The following GRIA3 variants were observed in gnomAD, a reference collection of about 807,000 sequenced individuals.
The protein encoded by GRIA3 is glutamate receptor 3.
GRIA3 carries 3 observed loss-of-function variants against 63.0 expected under a neutral mutation model. The ratio of observed to expected loss-of-function variants is 0.05; its 90% CI spans 0.02 to 0.12. The LOEUF is 0.12. Ranked by LOEUF, GRIA3 falls within the 10% of genes least tolerant of loss-of-function variation. The probability of loss-of-function intolerance (pLI) is 1.00; values close to 1 mark genes in which losing one functional copy is unlikely to be tolerated. For missense variants in GRIA3, 347 were observed against 700.9 expected, an observed-to-expected ratio of 0.50 and a Z score of 5.70; for synonymous variants, 274 against 257.9, an observed-to-expected ratio of 1.06 and a Z score of -0.60.
intron 3 of GRIA3, among the ~76,000 whole-genome samples, chrX:123,315,585 G>C (rs1386111595): frequency 8.9e-6 from 1 of 112,186 alleles, no homozygotes; most frequent in Non-Finnish European, 1.9e-5. Flanking sequence ...CTGAAGTACT[G>C]GCTCTGAGTT....
At chrX:123,442,534 G>A (rs2045680424) in intron 12 of GRIA3, among the ~76,000 whole-genome samples, 1 of 111,488 alleles carries the variant, frequency 9.0e-6, no homozygotes, top group Non-Finnish European at 1.9e-5. Flanking sequence ...TAGATAGTGA[G>A]GTGTTCATCA....
At chrX:123,383,143 T>C (rs1050068688) in intron 5 of GRIA3, among the ~76,000 whole-genome samples, 1 of 112,169 alleles carries the variant, frequency 8.9e-6, no homozygotes, top group African/African-American at 3.2e-5. Flanking sequence ...AGCTATTCAT[T>C]AAAGATTTTA....
intron 2 of GRIA3, among the ~76,000 whole-genome samples, chrX:123,218,143 C>T (rs943075555): frequency 1.7e-4 from 19 of 112,247 alleles, no homozygotes; most frequent in African/African-American, 4.9e-4. Context: ...CCTGAAAGGC[C>T]TACCCATGGC....
Position 123,363,206 on chromosome X carries a change from A to G in GRIA3, c.750+8243A>G, listed in dbSNP as rs2045188134. ...GATAGTTGTCTTTGGCAGCCTTCCA[A>G]CCCTCATTCTACTGCTTTTATCTTT... On this transcript the variant is annotated intron_variant, in intron 5 of 15. Coordinates refer to ENST00000620443, the MANE Select transcript of GRIA3 (RefSeq NM_007325.5). Among the ~76,000 whole-genome samples the G allele has an allele frequency of 2.7e-5, 3 of 111,672 alleles. No individual in the cohort carries two copies. In the South Asian group the frequency reaches 1.1e-3, roughly 43 times the overall value.
At chrX:123,303,233 T>C (rs1212812526) in intron 3 of GRIA3, among the ~76,000 whole-genome samples, 2 of 111,167 alleles carry the variant, frequency 1.8e-5, no homozygotes, top group Non-Finnish European at 3.8e-5. Context: ...AAACAAGTCA[T>C]AAAATCATTC....
chrX:123,342,176 T>A, intron 4 of GRIA3, among the ~76,000 whole-genome samples: 1 of 112,233 alleles, frequency 8.9e-6, no homozygotes, highest in East Asian at 2.8e-4. Context: ...CCTGCCCCAA[T>A]CAGCGCCCCC....
At chrX:123,340,799 C>T (rs748253994) in intron 4 of GRIA3, among the ~76,000 whole-genome samples, 2 of 111,903 alleles carry the variant, frequency 1.8e-5, no homozygotes, top group South Asian at 7.5e-4. Context: ...TCTAGGGAGA[C>T]TTGTAGAAAT....
At chrX:123,235,310 G>A (rs773246094) in intron 2 of GRIA3, among the ~76,000 whole-genome samples, 1 of 111,508 alleles carries the variant, frequency 9.0e-6, no homozygotes, top group African/African-American at 3.3e-5. Flanking sequence ...ACTTTTGGAG[G>A]GATACACAAA....
intron 3 of GRIA3, among the ~76,000 whole-genome samples, chrX:123,313,638 T>C (rs16997304): frequency 0.2 from 21,869 of 110,939 alleles, 1,683 homozygotes; most frequent in Non-Finnish European, 0.22. Context: ...GCCTTGCTTT[T>C]TAAAAATTGA....
chrX:123,242,163 C>T (rs2044333442), intron 2 of GRIA3, among the ~76,000 whole-genome samples: 1 of 111,926 alleles, frequency 8.9e-6, no homozygotes, highest in Non-Finnish European at 1.9e-5. Context: ...GATTTTATTA[C>T]TTATATATGG....
chrX:123,373,268 A>T (rs1276486856), intron 5 of GRIA3, among the ~76,000 whole-genome samples: 1 of 111,553 alleles, frequency 9.0e-6, no homozygotes, highest in African/African-American at 3.3e-5. Flanking sequence ...TCTATCATTG[A>T]TGGACATTTG....
intron 12 of GRIA3, among the ~76,000 whole-genome samples, chrX:123,441,649 A>T (rs191243788): frequency 2.3e-3 from 255 of 111,975 alleles, no homozygotes; most frequent in African/African-American, 7.8e-3. Flanking sequence ...CAAATCTTTC[A>T]TATTTAAAAG....
chrX:123,275,549 A>G (rs1460015131), intron 3 of GRIA3, among the ~76,000 whole-genome samples: 1 of 112,415 alleles, frequency 8.9e-6, no homozygotes, highest in East Asian at 2.8e-4. Flanking sequence ...AGAAAGGTTA[A>G]AGGTACACTG....
chrX:123,383,999 G>A (rs1256003821), intron 5 of GRIA3, among the ~76,000 whole-genome samples: 2 of 111,384 alleles, frequency 1.8e-5, no homozygotes, highest in Non-Finnish European at 3.8e-5. Flanking sequence ...TAAGGATAAC[G>A]GCCTCCAGCT....
At chrX:123,326,253 A>T (rs1346750446) in intron 4 of GRIA3, 40 bp downstream of exon 4, 4 of 1,079,595 alleles carry the variant, frequency 3.7e-6, no homozygotes, top group Non-Finnish European at 5.1e-6. Flanking sequence ...CAACATGTTA[A>T]ATTATCAACC....
At chrX:123,278,564 A>G (rs913247536) in intron 3 of GRIA3, among the ~76,000 whole-genome samples, 1 of 111,839 alleles carries the variant, frequency 8.9e-6, no homozygotes, top group African/African-American at 3.3e-5. Flanking sequence ...CTGGTCTTAC[A>G]GTTAAGTTTT....
At chrX:123,187,215 AAAGGGTCTCTCC>A (rs1210720526) in intron 2 of GRIA3, among the ~76,000 whole-genome samples, 4 of 111,850 alleles carry the variant, frequency 3.6e-5, no homozygotes, top group Non-Finnish European at 5.6e-5. Context: ...GAAACCACTG[AAAGGGTCTCTCC>A]AAGGGCACAG....
chrX:123,335,461 A>G lies in GRIA3; in HGVS notation c.696+9248A>G, dbSNP rs759856807. ...TTTGTTTGTTTATCATAAGCCTATC[A>G]TAAGTTCCTCATTATATCTATATTC... is the stretch of plus-strand genomic sequence containing the variant. On this transcript the variant is annotated intron_variant, in intron 4 of 15. Transcript: ENST00000620443. Among the ~76,000 whole-genome samples the G allele has an allele frequency of 3.6e-5, 4 of 111,851 alleles. No individual in the cohort carries two copies. In the East Asian group the frequency reaches 1.1e-3, roughly 31 times the overall value.
chrX:123,204,124 T>A (rs2147256226), intron 2 of GRIA3, among the ~76,000 whole-genome samples: 1 of 112,331 alleles, frequency 8.9e-6, no homozygotes, highest in African/African-American at 3.2e-5. Flanking sequence ...CCCCATGTTT[T>A]GATAACTATA....
Sources: gnomAD v4.1 joint callset for allele counts (sites outside exome capture counted in the v4.1 genomes callset) on GRCh38, gnomAD v4.1.1 for gene constraint, MANE v1.5 for transcripts, NCBI Gene and HGNC (gene_info 2026-07-23, HGNC 2026-07-21) for gene names.